The following DLGAP1 variants were observed in gnomAD, a reference collection of about 807,000 sequenced individuals.
DLGAP1 encodes the protein disks large-associated protein 1.
In DLGAP1, 11 loss-of-function variants were observed where a neutral mutation model predicts 90.8. That is an observed-to-expected ratio of 0.12 (90% CI 0.08 to 0.20). The LOEUF (loss-of-function observed/expected upper bound fraction) is 0.20, where lower values mean the gene tolerates loss of function less well. DLGAP1 is among the 10% of genes least tolerant of loss of function. DLGAP1 has a pLI of 1.00. For synonymous variants in DLGAP1, 558 were observed against 540.7 expected (o/e 1.03, Z -0.44); for missense variants, 1,050 against 1,333.8 (o/e 0.79, Z 3.31).
At chr18:4,395,155 G>A (rs1031618063) in intron 1 of DLGAP1, among the ~76,000 whole-genome samples, 1 of 152,130 alleles carries the variant, frequency 6.6e-6, no homozygotes, top group Non-Finnish European at 1.5e-5. Context: ...AGTTGTAAAA[G>A]AAATAGCACA....
chr18:4,051,217 T>C (rs1045664629), intron 2 of DLGAP1, among the ~76,000 whole-genome samples: 1 of 152,158 alleles, frequency 6.6e-6, no homozygotes, highest in Non-Finnish European at 1.5e-5. Flanking sequence ...ATTTTTCTAT[T>C]TACCTTGTGA....
At chr18:4,301,370 G>GT (rs1295861599) in intron 1 of DLGAP1, among the ~76,000 whole-genome samples, 5 of 152,146 alleles carry the variant, frequency 3.3e-5, no homozygotes, top group African/African-American at 1.2e-4. Context: ...TCTACACAAA[G>GT]TGAGAATGTG....
intron 10 of DLGAP1, among the ~76,000 whole-genome samples, chr18:3,520,026 C>T (rs2051081566): frequency 6.6e-6 from 1 of 152,054 alleles, no homozygotes; most frequent in African/African-American, 2.4e-5. Flanking sequence ...GCACATGTAT[C>T]CCAGAACTTA....
chr18:4,046,856 G>A (rs2075062262), intron 2 of DLGAP1, among the ~76,000 whole-genome samples: 1 of 152,130 alleles, frequency 6.6e-6, no homozygotes. Context: ...ATGTCTAGAG[G>A]CAACAGTGCC....
intron 3 of DLGAP1, among the ~76,000 whole-genome samples, chr18:3,978,944 C>A (rs1457570533): frequency 2.6e-5 from 4 of 152,076 alleles, no homozygotes; most frequent in African/African-American, 9.7e-5. Context: ...AAATCCACCT[C>A]TCTGGTGAAA....
At chr18:4,194,194 C>T (rs8084258) in intron 1 of DLGAP1, among the ~76,000 whole-genome samples, 109,956 of 151,996 alleles carry the variant, frequency 0.72, 39,936 homozygotes, top group Admixed American at 0.78. Context: ...GGACTACTGT[C>T]GTCACCTTTA....
At chr18:3,889,607 C>G (rs1456692853) in intron 3 of DLGAP1, among the ~76,000 whole-genome samples, 6 of 152,154 alleles carry the variant, frequency 3.9e-5, no homozygotes, top group African/African-American at 1.2e-4. Flanking sequence ...AATTTCTTCC[C>G]TACTCACAGC....
In DLGAP1 at chr18:4,190,788, C is replaced by T. The variant is rs1326075495; in HGVS notation, c.-266-39501G>A. 5.3e-5 allele frequency among the ~76,000 whole-genome samples: 8 copies of T among 152,204 alleles called. No homozygotes were observed. The East Asian group carries it at 1.3e-3, about 26-fold the overall frequency. Reference sequence around the variant, plus strand: ...TAGGTTTGGAGCTATGAATAAATGGCAGTCAGTTTTCTGTCCACATAAGTT... The same window carrying T: ...TAGGTTTGGAGCTATGAATAAATGGTAGTCAGTTTTCTGTCCACATAAGTT... On this transcript the variant is annotated intron_variant, in intron 1 of 12. Coordinates refer to ENST00000315677, the MANE Select transcript of DLGAP1 (RefSeq NM_004746.4).
At chr18:3,581,724 CG>C (rs1200785379) in intron 8 of DLGAP1, 150 bp downstream of exon 8, 4 of 877,322 alleles carry the variant, frequency 4.6e-6, no homozygotes, top group Non-Finnish European at 7.0e-6. Flanking sequence ...TAACAGTATA[CG>C]GAGTCCACAG....
intron 2 of DLGAP1, among the ~76,000 whole-genome samples, chr18:4,108,539 T>TAC (rs1555741593): frequency 8.0e-5 from 12 of 149,582 alleles, no homozygotes; most frequent in Non-Finnish European, 1.6e-4. Flanking sequence ...TATTACACAA[T>TAC]AAAAAAAAAA....
intron 1 of DLGAP1, among the ~76,000 whole-genome samples, chr18:4,195,380 A>G (rs1297816595): frequency 6.6e-6 from 1 of 152,192 alleles, no homozygotes; most frequent in Non-Finnish European, 1.5e-5. Context: ...GCATAAGTGG[A>G]GTAAGCTCCA....
At chr18:3,743,389 G>A (rs940538813) in intron 5 of DLGAP1, among the ~76,000 whole-genome samples, 2 of 151,164 alleles carry the variant, frequency 1.3e-5, no homozygotes, top group African/African-American at 4.9e-5. Context: ...GAGTCTTGCT[G>A]TGTCACCCAG....
At chr18:4,387,748 T>C (rs2082259562) in intron 1 of DLGAP1, among the ~76,000 whole-genome samples, 2 of 152,144 alleles carry the variant, frequency 1.3e-5, no homozygotes, top group Non-Finnish European at 2.9e-5. Flanking sequence ...CTGGCCAGCA[T>C]GGCGAAACCC....
chr18:3,678,863 T>C (rs1389281415), intron 7 of DLGAP1, among the ~76,000 whole-genome samples: 1 of 152,246 alleles, frequency 6.6e-6, no homozygotes, highest in African/African-American at 2.4e-5. Context: ...GATGTTTATA[T>C]GGCAAATGCA....
At chr18:3,820,135 C>T (rs766342213) in intron 4 of DLGAP1, among the ~76,000 whole-genome samples, 5 of 152,012 alleles carry the variant, frequency 3.3e-5, no homozygotes, top group African/African-American at 1.2e-4. Flanking sequence ...TCTTTGAGAG[C>T]GGATTATCTC....
rs111787958 is a variant in DLGAP1, at chr18:3,924,995, C to T, written c.-72-44855G>A. ...GGAGACAGAGTCTTGCTCCATTGCC[C>T]GGGCTGGAGTGCAGTGGCGTGATCT... On this transcript the variant is annotated intron_variant, in intron 3 of 12. Transcript: ENST00000315677. Among the ~76,000 whole-genome samples, 261 of 152,158 alleles carry T rather than the reference C, an allele frequency of 1.7e-3. 1 individual carries two copies. Among genetic ancestry groups the T allele is most frequent in the African/African-American group, 5.7e-3 (236 of 41,520 alleles).
intron 2 of DLGAP1, among the ~76,000 whole-genome samples, chr18:4,055,487 T>C (rs1268190769): frequency 2.0e-5 from 3 of 152,180 alleles, no homozygotes; most frequent in Admixed American, 2.0e-4. Flanking sequence ...CTTCTTTGCG[T>C]CCATGTGTAC....
intron 1 of DLGAP1, among the ~76,000 whole-genome samples, chr18:4,301,618 T>C (rs78589322): frequency 0.022 from 3,364 of 152,308 alleles, 46 homozygotes; most frequent in East Asian, 0.037. Flanking sequence ...TATGCAGATA[T>C]GCAGATATGC....
At chr18:4,393,333 C>T (rs2082376025) in intron 1 of DLGAP1, among the ~76,000 whole-genome samples, 1 of 152,168 alleles carries the variant, frequency 6.6e-6, no homozygotes, top group Non-Finnish European at 1.5e-5. Flanking sequence ...TATGCTTCAG[C>T]CACAGCCATC....
Sources: gnomAD v4.1 joint callset for allele counts (sites outside exome capture counted in the v4.1 genomes callset) on GRCh38, gnomAD v4.1.1 for gene constraint, MANE v1.5 for transcripts, NCBI Gene and HGNC (gene_info 2026-07-23, HGNC 2026-07-21) for gene names.